Variants in EDIL3 observed in about 807,000 individuals in gnomAD.
EDIL3 encodes the protein EGF like and discoidin domains 3.
A neutral mutation model predicts 67.4 loss-of-function variants in EDIL3; 37 were observed. The ratio of observed to expected loss-of-function variants is 0.55; its 90% CI spans 0.42 to 0.72. The LOEUF (loss-of-function observed/expected upper bound fraction) is 0.72. Ranked by LOEUF, EDIL3 falls within the 30% of genes least tolerant of loss-of-function variation. The pLI, the probability that EDIL3 is intolerant of heterozygous loss-of-function variation, is 0.00. For missense variants in EDIL3, 527 were observed against 586.3 expected (o/e 0.90, Z 1.04); for synonymous variants, 195 against 196.3 (o/e 0.99, Z 0.05).
intron 6 of EDIL3, among the ~76,000 whole-genome samples, chr5:84,092,794 GA>G (rs61201154): frequency 0.71 from 103,427 of 145,154 alleles, 35,882 homozygotes; most frequent in Middle Eastern, 0.77. Flanking sequence ...AACATTTGAG[GA>G]AAAAAAAAAC....
chr5:84,323,160 G>A (rs1746684198), intron 1 of EDIL3, among the ~76,000 whole-genome samples: 1 of 151,868 alleles, frequency 6.6e-6, no homozygotes, highest in Non-Finnish European at 1.5e-5. Context: ...TTGTAACTTT[G>A]GTTTGTAACT....
intron 1 of EDIL3, among the ~76,000 whole-genome samples, chr5:84,281,407 T>G (rs1745699492): frequency 6.6e-6 from 1 of 152,212 alleles, no homozygotes; most frequent in Admixed American, 6.5e-5. Flanking sequence ...CCACATTCCC[T>G]TTCAGTAATG....
intron 9 of EDIL3, among the ~76,000 whole-genome samples, chr5:84,027,091 T>C (rs1303076168): frequency 6.6e-6 from 1 of 152,114 alleles, no homozygotes; most frequent in Non-Finnish European, 1.5e-5. Context: ...TGAGACCCTG[T>C]CTCAATAAAC....
At chr5:84,355,712 G>A (rs1456720233) in intron 1 of EDIL3, among the ~76,000 whole-genome samples, 1 of 152,124 alleles carries the variant, frequency 6.6e-6, no homozygotes, top group African/African-American at 2.4e-5. Context: ...CCTGTATGAG[G>A]TGTCTGTCGA....
intron 9 of EDIL3, among the ~76,000 whole-genome samples, chr5:84,046,487 T>G (rs1468598372): frequency 6.6e-6 from 1 of 152,216 alleles, no homozygotes; most frequent in Non-Finnish European, 1.5e-5. Flanking sequence ...GACCACTGAC[T>G]GGCTCTGCAA....
At chr5:84,371,995 A>T (rs1411482426) in intron 1 of EDIL3, among the ~76,000 whole-genome samples, 1 of 152,156 alleles carries the variant, frequency 6.6e-6, no homozygotes, top group Non-Finnish European at 1.5e-5. Flanking sequence ...GAGATGGGAA[A>T]AGAACTTTAG....
chr5:84,079,284 C>T (rs1183615827), intron 6 of EDIL3, among the ~76,000 whole-genome samples: 3 of 152,004 alleles, frequency 2.0e-5, no homozygotes, highest in East Asian at 1.9e-4. Flanking sequence ...TGTGAGGCAT[C>T]CTAGCAAATT....
At chr5:84,308,242 C>A (rs754453362) in intron 1 of EDIL3, among the ~76,000 whole-genome samples, 1 of 151,952 alleles carries the variant, frequency 6.6e-6, no homozygotes, top group Non-Finnish European at 1.5e-5. Flanking sequence ...AATAAATTAT[C>A]CAGTTTGGGC....
chr5:84,172,548 C>G (rs1462703071), intron 4 of EDIL3, among the ~76,000 whole-genome samples: 1 of 151,936 alleles, frequency 6.6e-6, no homozygotes, highest in Non-Finnish European at 1.5e-5. Flanking sequence ...CACCACTGCA[C>G]TCCAGACTGG....
chr5:84,037,371 T>C (rs915333938), intron 9 of EDIL3, among the ~76,000 whole-genome samples: 6 of 152,208 alleles, frequency 3.9e-5, no homozygotes, highest in African/African-American at 1.4e-4. Context: ...AAATAGTAAG[T>C]TTGATTTACT....
At chr5:84,363,916 T>C (rs1054729345) in intron 1 of EDIL3, among the ~76,000 whole-genome samples, 3 of 152,216 alleles carry the variant, frequency 2.0e-5, no homozygotes, top group African/African-American at 7.2e-5. Context: ...ATTTTGATCA[T>C]CGCTTGGGTT....
intron 3 of EDIL3, among the ~76,000 whole-genome samples, chr5:84,214,089 G>A (rs1365693309): frequency 1.3e-5 from 2 of 152,102 alleles, no homozygotes; most frequent in African/African-American, 4.8e-5. Context: ...TATCATATTT[G>A]AGATGTCTTA....
At chr5:83,990,863 G>A (rs538592684) in intron 9 of EDIL3, among the ~76,000 whole-genome samples, 6 of 149,278 alleles carry the variant, frequency 4.0e-5, no homozygotes, top group Admixed American at 1.4e-4. Context: ...CTGGGCAACA[G>A]AGAAAGACTC....
intron 3 of EDIL3, among the ~76,000 whole-genome samples, chr5:84,226,353 ATAAAT>A (rs1383189286): frequency 6.6e-6 from 1 of 151,756 alleles, no homozygotes; most frequent in Non-Finnish European, 1.5e-5. Flanking sequence ...AATAACAGCT[ATAAAT>A]TAAAGATATA....
At chr5:84,286,530 T>C (rs999172985) in intron 1 of EDIL3, among the ~76,000 whole-genome samples, 4 of 152,168 alleles carry the variant, frequency 2.6e-5, no homozygotes, top group Non-Finnish European at 5.9e-5. Flanking sequence ...AGACAATATA[T>C]TTAGCATATA....
At chr5:84,258,525 T>G (rs1025251896) in intron 1 of EDIL3, among the ~76,000 whole-genome samples, 2 of 152,098 alleles carry the variant, frequency 1.3e-5, no homozygotes, top group African/African-American at 2.4e-5. Context: ...AAGGCTCAAG[T>G]AGGGTCCTGA....
chr5:84,131,457 T>C (rs1179711974), intron 5 of EDIL3, among the ~76,000 whole-genome samples: 1 of 152,206 alleles, frequency 6.6e-6, no homozygotes, highest in Admixed American at 6.5e-5. Context: ...TAGAGTATAA[T>C]AACAGCATCC....
chr5:84,350,033 C>T (rs1415724420), intron 1 of EDIL3, among the ~76,000 whole-genome samples: 1 of 152,018 alleles, frequency 6.6e-6, no homozygotes, highest in African/African-American at 2.4e-5. Flanking sequence ...GTAAGTAATT[C>T]AAAGTTACAC....
intron 3 of EDIL3, among the ~76,000 whole-genome samples, chr5:84,192,161 T>C (rs1484546674): frequency 6.6e-6 from 1 of 151,712 alleles, no homozygotes; most frequent in Non-Finnish European, 1.5e-5. Context: ...ATAAGATTTT[T>C]TTACCCTTGA....
Sources: gnomAD v4.1 joint callset for allele counts (sites outside exome capture counted in the v4.1 genomes callset) on GRCh38, gnomAD v4.1.1 for gene constraint, MANE v1.5 for transcripts, NCBI Gene and HGNC (gene_info 2026-07-23, HGNC 2026-07-21) for gene names.